Variants in PTK2 observed in about 807,000 individuals in gnomAD.
PTK2 encodes protein tyrosine kinase 2.
In PTK2, 45 loss-of-function variants were observed where a neutral mutation model predicts 150.1. The ratio of observed to expected loss-of-function variants is 0.30; its 90% CI spans 0.24 to 0.38. The LOEUF is 0.38. PTK2 is among the 10% of genes least tolerant of loss of function. PTK2 has a pLI of 1.00. For synonymous variants in PTK2, 432 were observed against 449.2 expected, an observed-to-expected ratio of 0.96 and a Z score of 0.48; for missense variants, 919 against 1,307.3, an observed-to-expected ratio of 0.70 and a Z score of 4.58.
At chr8:140,836,991 C>T (rs2100119022) in intron 7 of PTK2, among the ~76,000 whole-genome samples, 2 of 152,102 alleles carry the variant, frequency 1.3e-5, no homozygotes, top group South Asian at 4.2e-4. Flanking sequence ...AAGAGTCTTC[C>T]TTCTCTAATG....
intron 3 of PTK2, among the ~76,000 whole-genome samples, chr8:140,888,959 G>C (rs1003064484): frequency 6.6e-6 from 1 of 152,038 alleles, no homozygotes; most frequent in Non-Finnish European, 1.5e-5. Flanking sequence ...TTTTTTTCCA[G>C]TATGAATTAT....
intron 17 of PTK2, among the ~76,000 whole-genome samples, chr8:140,747,423 G>A (rs2100059647): frequency 1.1e-5 from 1 of 93,266 alleles, no homozygotes. Context: ...AAGAAGGAAG[G>A]GGAGGAGGAG....
chr8:140,786,330 T>A (rs1028157111), intron 14 of PTK2, among the ~76,000 whole-genome samples: 1 of 152,196 alleles, frequency 6.6e-6, no homozygotes, highest in Non-Finnish European at 1.5e-5. Context: ...CCAGGAGCAG[T>A]AGGGCCTCTA....
At chr8:140,751,824 A>C in intron 17 of PTK2, 1 of 465,680 alleles carries the variant, frequency 2.1e-6, no homozygotes, top group East Asian at 5.8e-5. Context: ...TAGCAGGACA[A>C]GGGGAATGGT....
At chr8:140,684,088 T>A (rs930662655) in intron 27 of PTK2, among the ~76,000 whole-genome samples, 3 of 152,174 alleles carry the variant, frequency 2.0e-5, no homozygotes, top group Non-Finnish European at 4.4e-5. Flanking sequence ...TTGTAGATGA[T>A]GTGATTTTAT....
intron 27 of PTK2, among the ~76,000 whole-genome samples, chr8:140,676,790 T>A (rs7832878): frequency 0.11 from 5,036 of 44,944 alleles, 202 homozygotes; most frequent in African/African-American, 0.24. Flanking sequence ...AAAAAAAAAA[T>A]AGCCAGGTGT....
chr8:140,775,629 C>A (rs1231396106), intron 14 of PTK2, among the ~76,000 whole-genome samples: 1 of 152,134 alleles, frequency 6.6e-6, no homozygotes, highest in Non-Finnish European at 1.5e-5. Flanking sequence ...TAGGTGTGAG[C>A]CACCATACCA....
At chr8:140,782,671 T>TA (rs1435491509) in intron 14 of PTK2, among the ~76,000 whole-genome samples, 3 of 152,170 alleles carry the variant, frequency 2.0e-5, no homozygotes, top group Non-Finnish European at 4.4e-5. Context: ...TTTCCCCTTT[T>TA]AATTCCTAAA....
intron 1 of PTK2, among the ~76,000 whole-genome samples, chr8:140,950,074 G>GCA (rs1325202461): frequency 0.052 from 61 of 1,176 alleles, no homozygotes; most frequent in South Asian, 0.42. Flanking sequence ...TACCCACTTT[G>GCA]GGTCTCCTGA....
intron 11 of PTK2, among the ~76,000 whole-genome samples, chr8:140,802,764 TA>T (rs1382318493): frequency 6.6e-6 from 1 of 152,284 alleles, no homozygotes; most frequent in East Asian, 1.9e-4. Context: ...TACAATTGCC[TA>T]AAGTATTCAG....
intron 10 of PTK2, among the ~76,000 whole-genome samples, chr8:140,808,790 C>T (rs1396951504): frequency 7.5e-6 from 1 of 133,692 alleles, no homozygotes; most frequent in Non-Finnish European, 1.5e-5. Flanking sequence ...GCATGGAGTG[C>T]AGTGGTGTGA....
chr8:140,753,188 T>C (rs2100063787), intron 16 of PTK2, among the ~76,000 whole-genome samples: 4 of 151,752 alleles, frequency 2.6e-5, no homozygotes, highest in Admixed American at 2.6e-4. Context: ...TGACAGGTGA[T>C]GGTGGCTTGG....
intron 3 of PTK2, among the ~76,000 whole-genome samples, chr8:140,888,289 C>T (rs1385072267): frequency 6.6e-6 from 1 of 152,164 alleles, no homozygotes; most frequent in African/African-American, 2.4e-5. Flanking sequence ...TATGATATTG[C>T]ATTTTCAAAT....
At chr8:140,707,042 A>C (rs980335888) in intron 23 of PTK2, among the ~76,000 whole-genome samples, 3 of 152,266 alleles carry the variant, frequency 2.0e-5, no homozygotes, top group African/African-American at 7.2e-5. Flanking sequence ...AAATACTGAC[A>C]CATGCTACAA....
intron 27 of PTK2, among the ~76,000 whole-genome samples, chr8:140,676,943 C>CAAAAAAAA (rs71320398): frequency 1.2e-5 from 1 of 85,920 alleles, no homozygotes. Context: ...GACTCCATCT[C>CAAAAAAAA]AAAAAAAAAA....
chr8:140,990,422 G>T (rs900567534), intron 1 of PTK2, among the ~76,000 whole-genome samples: 2 of 151,708 alleles, frequency 1.3e-5, no homozygotes, highest in Non-Finnish European at 2.9e-5. Context: ...TATATTCTTT[G>T]GGAGAGACAA....
chr8:140,926,907 C>T (rs1443523373), intron 1 of PTK2, among the ~76,000 whole-genome samples: 1 of 152,114 alleles, frequency 6.6e-6, no homozygotes, highest in Non-Finnish European at 1.5e-5. Context: ...AGTATTTTTA[C>T]GGACTCTAAT....
intron 1 of PTK2, among the ~76,000 whole-genome samples, chr8:140,948,926 C>T (rs931086427): frequency 2.6e-5 from 4 of 151,930 alleles, no homozygotes; most frequent in Admixed American, 2.0e-4. Context: ...TACAGGTCCA[C>T]GTATAGGGGG....
chr8:140,726,808 C>T (rs758207291), intron 22 of PTK2, among the ~76,000 whole-genome samples: 4 of 152,064 alleles, frequency 2.6e-5, no homozygotes, highest in African/African-American at 4.8e-5. Flanking sequence ...GAGCACTGTA[C>T]GAAGTTAAAT....
Sources: gnomAD v4.1 joint callset for allele counts (sites outside exome capture counted in the v4.1 genomes callset) on GRCh38, gnomAD v4.1.1 for gene constraint, MANE v1.5 for transcripts, NCBI Gene and HGNC (gene_info 2026-07-23, HGNC 2026-07-21) for gene names.